The following KCND2 variants were observed in gnomAD, a reference collection of about 807,000 sequenced individuals.
The protein encoded by KCND2 is potassium voltage-gated channel subfamily D member 2.
A neutral mutation model predicts 54.4 loss-of-function variants in KCND2; 16 were observed. The ratio of observed to expected loss-of-function variants is 0.29; its 90% CI spans 0.20 to 0.45. KCND2 has a LOEUF of 0.45. KCND2 is among the 20% of genes least tolerant of loss of function. KCND2 has a pLI of 1.00. For synonymous variants in KCND2, 317 were observed against 310.7 expected, an observed-to-expected ratio of 1.02 and a Z score of -0.21; for missense variants, 486 against 824.2, an observed-to-expected ratio of 0.59 and a Z score of 5.02.
At chr7:120,633,816 G>A (rs1024222777) in intron 1 of KCND2, among the ~76,000 whole-genome samples, 6 of 152,076 alleles carry the variant, frequency 3.9e-5, no homozygotes, top group African/African-American at 1.2e-4. Flanking sequence ...TTACAATATG[G>A]CAACTTTTGC....
chr7:120,607,461 C>T (rs1792895930), intron 1 of KCND2, among the ~76,000 whole-genome samples: 1 of 152,074 alleles, frequency 6.6e-6, no homozygotes. Flanking sequence ...TCTGGTACTA[C>T]CCACTATCTC....
At chr7:120,706,692 AAAAG>A (rs545292486) in intron 1 of KCND2, among the ~76,000 whole-genome samples, 6 of 152,326 alleles carry the variant, frequency 3.9e-5, no homozygotes, top group African/African-American at 1.4e-4. Context: ...TTGAAATTAG[AAAAG>A]AAAGTACAAC....
intron 1 of KCND2, among the ~76,000 whole-genome samples, chr7:120,493,379 A>G (rs1487055864): frequency 3.9e-5 from 6 of 152,150 alleles, no homozygotes; most frequent in African/African-American, 9.6e-5. Context: ...ATAGAGCTGT[A>G]TAATTGAATT....
intron 1 of KCND2, among the ~76,000 whole-genome samples, chr7:120,450,306 A>G (rs1025279874): frequency 1.3e-5 from 2 of 152,146 alleles, no homozygotes; most frequent in African/African-American, 4.8e-5. Context: ...GCTACTCGGG[A>G]GGCTGAGGCA....
chr7:120,342,779 A>G (rs529449824), intron 1 of KCND2, among the ~76,000 whole-genome samples: 14 of 152,176 alleles, frequency 9.2e-5, no homozygotes, highest in Non-Finnish European at 2.1e-4. Context: ...TGGGAAATTT[A>G]AAGACAATGC....
intron 1 of KCND2, among the ~76,000 whole-genome samples, chr7:120,301,393 T>C (rs773427624): frequency 4.6e-5 from 7 of 152,148 alleles, no homozygotes; most frequent in Non-Finnish European, 8.8e-5. Context: ...TGAAGTAGAA[T>C]TTGTTATCAG....
At position 120,352,136 on chromosome 7, in the gene KCND2, C is replaced by CA. The variant is rs200760489; in HGVS notation, c.1115+76389_1115+76390insA. ...TATTTTTAGTGGAACTGGGGTTTCA[C>CA]CATGTTGGCCAGGATGGTCTCGATC... On this transcript the variant is annotated intron_variant, in intron 1 of 5. Coordinates refer to ENST00000331113, the MANE Select transcript of KCND2 (RefSeq NM_012281.3). Among the ~76,000 whole-genome samples the CA allele has an allele frequency of 8.7e-4, 132 of 152,080 alleles. 2 individuals carry two copies. In the East Asian group the frequency reaches 0.02, roughly 23 times the overall value.
chr7:120,523,579 A>C (rs75523221), intron 1 of KCND2, among the ~76,000 whole-genome samples: 1 of 149,344 alleles, frequency 6.7e-6, no homozygotes, highest in African/African-American at 2.4e-5. Context: ...CCAAAAAAAA[A>C]CATACACACA....
intron 1 of KCND2, among the ~76,000 whole-genome samples, chr7:120,522,418 T>C (rs1209056064): frequency 2.6e-5 from 4 of 152,162 alleles, no homozygotes; most frequent in African/African-American, 9.6e-5. Context: ...GCTAAGGGAA[T>C]TACTTTAGTT....
At chr7:120,546,130 G>A (rs781667262) in intron 1 of KCND2, among the ~76,000 whole-genome samples, 2 of 151,844 alleles carry the variant, frequency 1.3e-5, no homozygotes, top group African/African-American at 4.8e-5. Context: ...AATATCAAAT[G>A]GTTATCACCT....
chr7:120,572,442 T>C (rs1792377883), intron 1 of KCND2, among the ~76,000 whole-genome samples: 1 of 152,216 alleles, frequency 6.6e-6, no homozygotes, highest in African/African-American at 2.4e-5. Flanking sequence ...CTTATGCGTA[T>C]GTCAGGCAAT....
chr7:120,501,367 C>T (rs887222684), intron 1 of KCND2, among the ~76,000 whole-genome samples: 26 of 152,144 alleles, frequency 1.7e-4, no homozygotes, highest in African/African-American at 5.1e-4. Context: ...TTTTGTACAT[C>T]GTAGAAGAGA....
intron 1 of KCND2, among the ~76,000 whole-genome samples, chr7:120,589,913 G>A (rs1308385457): frequency 6.6e-6 from 1 of 152,124 alleles, no homozygotes; most frequent in Non-Finnish European, 1.5e-5. Context: ...TATTATTATT[G>A]CCACTTTATG....
chr7:120,488,263 G>C (rs1289038392), intron 1 of KCND2, among the ~76,000 whole-genome samples: 1 of 151,940 alleles, frequency 6.6e-6, no homozygotes, highest in African/African-American at 2.4e-5. Context: ...CAAGAAAACA[G>C]TAACAATGGC....
intron 1 of KCND2, among the ~76,000 whole-genome samples, chr7:120,287,845 C>A (rs925853195): frequency 1.3e-5 from 2 of 152,014 alleles, no homozygotes; most frequent in Non-Finnish European, 2.9e-5. Flanking sequence ...TATGTCCCAA[C>A]AACAACAGAA....
chr7:120,423,526 C>G (rs576196729), intron 1 of KCND2, among the ~76,000 whole-genome samples: 1 of 152,298 alleles, frequency 6.6e-6, no homozygotes, highest in African/African-American at 2.4e-5. Context: ...TAGTTTATAG[C>G]TAAATAAATG....
At chr7:120,575,816 G>C (rs1486070370) in intron 1 of KCND2, among the ~76,000 whole-genome samples, 1 of 152,124 alleles carries the variant, frequency 6.6e-6, no homozygotes, top group Non-Finnish European at 1.5e-5. Context: ...TCATTATATG[G>C]ATAAGAACAC....
chr7:120,410,445 G>T (rs1801432338), intron 1 of KCND2, among the ~76,000 whole-genome samples: 1 of 151,828 alleles, frequency 6.6e-6, no homozygotes, highest in Non-Finnish European at 1.5e-5. Flanking sequence ...TTTTAATTGA[G>T]ATTTTATTAA....
intron 1 of KCND2, among the ~76,000 whole-genome samples, chr7:120,374,571 C>T (rs1054851856): frequency 6.6e-5 from 10 of 151,748 alleles, no homozygotes; most frequent in South Asian, 2.1e-4. Context: ...ACCAGGTAAG[C>T]GTCTTAATAT....
Sources: allele counts gnomAD v4.1 joint callset (sites outside exome capture counted in the v4.1 genomes callset), GRCh38; gene constraint gnomAD v4.1.1; transcripts MANE v1.5; gene names NCBI Gene and HGNC (gene_info 2026-07-23, HGNC 2026-07-21).